Variants in GRM7 observed in about 807,000 individuals in gnomAD.
GRM7 encodes the protein glutamate metabotropic receptor 7.
GRM7 carries 35 observed loss-of-function variants against 84.5 expected under a neutral mutation model. That is an observed-to-expected ratio of 0.41 (90% confidence interval 0.32 to 0.55). The LOEUF (loss-of-function observed/expected upper bound fraction) is 0.55, where lower values mean the gene tolerates loss of function less well. Among genes scored for constraint, GRM7 ranks in the 20% least tolerant of loss-of-function variants. The probability of loss-of-function intolerance (pLI) is 0.19; values close to 1 mark genes in which losing one functional copy is unlikely to be tolerated. For synonymous variants in GRM7, 487 were observed against 455.1 expected, an observed-to-expected ratio of 1.07 and a Z score of -0.89; for missense variants, 1,003 against 1,194.6, an observed-to-expected ratio of 0.84 and a Z score of 2.36.
chr3:7,468,757 A>G (rs372384680), intron 7 of GRM7, among the ~76,000 whole-genome samples: 32 of 152,024 alleles, frequency 2.1e-4, no homozygotes, highest in African/African-American at 7.3e-4. Flanking sequence ...GTGAGTTTTC[A>G]TGAGATCTGA....
intron 7 of GRM7, among the ~76,000 whole-genome samples, chr3:7,550,369 CTT>C (rs1240807194): frequency 2.9e-4 from 42 of 144,942 alleles, no homozygotes; most frequent in South Asian, 1.1e-3. Flanking sequence ...TCCTTCCTTC[CTT>C]TCTCTCTCTT....
chr3:7,662,141 G>A (rs1699487167), intron 8 of GRM7, among the ~76,000 whole-genome samples: 1 of 152,124 alleles, frequency 6.6e-6, no homozygotes. Flanking sequence ...AATGAAAGAT[G>A]CGAGACAAAA....
At chr3:7,314,055 C>T (rs1030683791) in intron 4 of GRM7, among the ~76,000 whole-genome samples, 1 of 152,138 alleles carries the variant, frequency 6.6e-6, no homozygotes. Flanking sequence ...AAACATTTCT[C>T]AGGTCTAGGA....
rs552217391 is a variant in GRM7 at position 7,714,720 on chromosome 3, G to A, written c.2699-25637G>A. Among the ~76,000 whole-genome samples, 5 of 152,294 alleles carry A rather than the reference G, an allele frequency of 3.3e-5. No individual in the cohort carries two copies. The South Asian group carries it at 6.2e-4, about 19-fold the overall frequency. On this transcript the variant is annotated intron_variant, in intron 9 of 9. Coordinates refer to ENST00000357716, the MANE Select transcript of GRM7 (RefSeq NM_000844.4). ...GTACCAGCCAAGAGCCCACCAGCAC[G>A]TAATTTCCTCTGTGGATAAATCCTC... is the stretch of plus-strand genomic sequence containing the variant.
chr3:7,168,698 C>T (rs1050952054), intron 2 of GRM7, among the ~76,000 whole-genome samples: 4 of 152,178 alleles, frequency 2.6e-5, no homozygotes, highest in Non-Finnish European at 4.4e-5. Flanking sequence ...TACCATACAA[C>T]ACTAACAATT....
chr3:7,666,937 T>C (rs1699726184), intron 8 of GRM7, among the ~76,000 whole-genome samples: 1 of 152,054 alleles, frequency 6.6e-6, no homozygotes. Context: ...AAGGAAAATT[T>C]GTGGAGAGGC....
intron 2 of GRM7, among the ~76,000 whole-genome samples, chr3:7,297,894 A>G (rs1699866513): frequency 6.6e-6 from 1 of 152,226 alleles, no homozygotes; most frequent in South Asian, 2.1e-4. Flanking sequence ...AGCAAGAAGC[A>G]GGGAAGTAAG....
chr3:7,137,228 C>T (rs1275065329), intron 1 of GRM7, among the ~76,000 whole-genome samples: 1 of 151,996 alleles, frequency 6.6e-6, no homozygotes, highest in Admixed American at 6.6e-5. Context: ...TTTCCCCTAG[C>T]ATTGTTTCTC....
chr3:7,080,091 CT>C, intron 1 of GRM7, among the ~76,000 whole-genome samples: 1 of 152,150 alleles, frequency 6.6e-6, no homozygotes, highest in South Asian at 2.1e-4. Flanking sequence ...CCATTAGCAT[CT>C]TTTTTATAGT....
At chr3:7,394,555 A>C (rs1695131067) in intron 4 of GRM7, among the ~76,000 whole-genome samples, 1 of 152,182 alleles carries the variant, frequency 6.6e-6, no homozygotes, top group Non-Finnish European at 1.5e-5. Flanking sequence ...AATATATAGA[A>C]ATTTTTTGAG....
intron 2 of GRM7, among the ~76,000 whole-genome samples, chr3:7,168,879 A>G (rs375559253): frequency 6.6e-6 from 1 of 152,186 alleles, no homozygotes; most frequent in African/African-American, 2.4e-5. Context: ...TAAATCTCCA[A>G]TTTAATCACC....
At chr3:7,281,409 A>G (rs1374812498) in intron 2 of GRM7, among the ~76,000 whole-genome samples, 2 of 152,128 alleles carry the variant, frequency 1.3e-5, no homozygotes, top group Admixed American at 6.5e-5. Flanking sequence ...CTAAAATGTT[A>G]GAGTTGGAAG....
At chr3:7,252,791 T>C (rs549977945) in intron 2 of GRM7, among the ~76,000 whole-genome samples, 1 of 151,354 alleles carries the variant, frequency 6.6e-6, no homozygotes, top group African/African-American at 2.4e-5. Context: ...CGGGTTCAAC[T>C]GATTTTCCTG....
chr3:6,941,671 T>C (rs921090443), intron 1 of GRM7, among the ~76,000 whole-genome samples: 4 of 152,252 alleles, frequency 2.6e-5, no homozygotes, highest in African/African-American at 9.6e-5. Context: ...TCGAGTGGTC[T>C]TGATGTAGAA....
chr3:7,645,348 A>C (rs1209569281), intron 8 of GRM7, among the ~76,000 whole-genome samples: 1 of 151,928 alleles, frequency 6.6e-6, no homozygotes, highest in African/African-American at 2.4e-5. Flanking sequence ...GGAGATTGAG[A>C]CCATCCTGGC....
intron 2 of GRM7, among the ~76,000 whole-genome samples, chr3:7,176,053 A>G (rs1198489123): frequency 6.6e-6 from 1 of 151,958 alleles, no homozygotes; most frequent in African/African-American, 2.4e-5. Flanking sequence ...TGACTACTTT[A>G]TCCAGTTCAA....
At chr3:7,563,725 A>G (rs1389658216) in intron 7 of GRM7, among the ~76,000 whole-genome samples, 1 of 152,170 alleles carries the variant, frequency 6.6e-6, no homozygotes, top group Non-Finnish European at 1.5e-5. Flanking sequence ...TTGGAATGAC[A>G]TGAACAATCA....
chr3:7,129,021 G>A (rs1237068978), intron 1 of GRM7, among the ~76,000 whole-genome samples: 2 of 152,280 alleles, frequency 1.3e-5, no homozygotes, highest in Non-Finnish European at 2.9e-5. Context: ...AAAGTTGAAC[G>A]TGTTTAGTGC....
At position 7,586,040 on chromosome 3, in the gene GRM7, T is replaced by C. The variant is rs537372833; in HGVS notation, c.2451+6683T>C. On this transcript the variant is annotated intron_variant, in intron 8 of 9. Transcript: ENST00000357716. ...TATACTGCTTTGAGCCTAATCATTG[T>C]ACATTCTGGATGTATCACTTAACTT... 9.9e-4 allele frequency among the ~76,000 whole-genome samples: 151 copies of C among 152,344 alleles called. 2 individuals are homozygous for C. The South Asian group carries it at 0.029, about 30-fold the overall frequency.
Sources: allele counts gnomAD v4.1 joint callset (sites outside exome capture counted in the v4.1 genomes callset), GRCh38; gene constraint gnomAD v4.1.1; transcripts MANE v1.5; gene names NCBI Gene and HGNC (gene_info 2026-07-23, HGNC 2026-07-21).